Variants in GRM4 observed in about 807,000 individuals in gnomAD.
The protein encoded by GRM4 is metabotropic glutamate receptor 4.
A neutral mutation model predicts 81.7 loss-of-function variants in GRM4; 28 were observed. The ratio of observed to expected loss-of-function variants is 0.34; its 90% CI spans 0.25 to 0.47. GRM4 has a LOEUF of 0.47. Among genes scored for constraint, GRM4 ranks in the 20% least tolerant of loss-of-function variants. The pLI is 1.00. For synonymous variants in GRM4, 488 were observed against 528.8 expected, an observed-to-expected ratio of 0.92 and a Z score of 1.06; for missense variants, 948 against 1,290.0, an observed-to-expected ratio of 0.73 and a Z score of 4.06.
Position 34,036,294 on chromosome 6 carries a change from C to T in GRM4, c.1816G>A (p.Val606Met), listed in dbSNP as rs373035413. 6.1e-5 allele frequency: 98 copies of T among 1,614,034 alleles called. No individual in the cohort carries two copies. Among genetic ancestry groups the T allele is most frequent in the Non-Finnish European group, 7.8e-5 (92 of 1,180,022 alleles). The change falls in exon 9 of 11, where the codon GTG becomes ATG. Residue 606 changes from valine (V) to methionine (M), a missense_variant. Transcript: ENST00000538487. The surrounding 1 kb of genome is among the most constrained non-coding windows in gnomAD (Gnocchi z 9.0). ...TCGTTGTAGCGCACAAAGGTGATCA[C>T]CACGAACAACGTGGCAGCGATGCCC... is the stretch of plus-strand genomic sequence containing the variant. ...VVGIAATLFV[V>M]ITFVRYNDTP...
chr6:34,111,020 G>C lies in GRM4; in HGVS notation c.520-18921C>G. ...CCCATGGGCACCCTCAGGCTGCCAA[G>C]GCTTGGGGGCAGCTCCAGACAATCC... On this transcript the variant is annotated intron_variant, in intron 2 of 10. Coordinates refer to ENST00000538487, the MANE Select transcript of GRM4 (RefSeq NM_000841.4). The surrounding 1 kb of genome is among the most constrained non-coding windows in gnomAD (Gnocchi z 5.1). 3.3e-6 allele frequency: 1 copy of C among 299,250 alleles called. No individual in the cohort carries two copies. The highest frequency in any genetic ancestry group is 8.5e-5 in the South Asian group (1 of 11,762). 18.5% of individuals were successfully genotyped at this position (299,250 alleles called of 1,614,324 possible).
chr6:34,040,898 T>C (rs1021079803), intron 6 of GRM4, 150 bp from the exon 7 acceptor site: 1 of 661,968 alleles, frequency 1.5e-6, no homozygotes, highest in African/African-American at 1.8e-5. Flanking sequence ...CCCAGTGCTC[T>C]ATCACCCAGG....
chr6:34,022,995 C>A lies in GRM4; in HGVS notation c.2690-125G>T. On this transcript the variant is annotated intron_variant, in intron 10 of 10. Transcript: ENST00000538487. The surrounding 1 kb of genome is among the most constrained non-coding windows in gnomAD (Gnocchi z 5.6). ...TCCCCGCCTCTCATGGCATCCAGTCCTGAGCTGAGCAATCGACACTGCCCC... is the reference window on the plus strand; with the variant it reads ...TCCCCGCCTCTCATGGCATCCAGTCATGAGCTGAGCAATCGACACTGCCCC... 1.3e-6 allele frequency: 1 copy of A among 779,288 alleles called. No homozygotes were observed. Among genetic ancestry groups the A allele is most frequent in the East Asian group, 2.6e-5 (1 of 38,984 alleles). The allele number at this position is 779,288 out of a possible 1,614,324, so 48.3% of individuals were successfully genotyped here. A position where few individuals can be genotyped will look rare whatever the true frequency, so the allele number is the denominator to read the frequency against.
intron 3 of GRM4, among the ~76,000 whole-genome samples, chr6:34,067,606 CTTCATGCCTTCCT>C (rs1766552976): frequency 1.7e-5 from 2 of 115,850 alleles, no homozygotes; most frequent in Admixed American, 9.0e-5. Context: ...TTCTTCCTCC[CTTCATGCCTTCCT>C]CCCTCCCTTC....
Position 34,133,425 on chromosome 6 carries a change from G to A in GRM4, c.72C>T (p.Gly24=), listed in dbSNP as rs1341240780. The change falls in exon 2 of 11, where the codon GGC becomes GGT. Residue 24 remains glycine (G), a synonymous_variant. Transcript: ENST00000538487. The surrounding 1 kb of genome is among the most constrained non-coding windows in gnomAD (Gnocchi z 6.5). ...LPLCLLLSLY[G]PWMPSSLGKP... ...TTCCCAGGGAGGAAGGCATCCAGGG[G>A]CCGTAAAGGCTGAGGAGCAGGCAAA... 7 of 1,612,440 alleles carry A rather than the reference G, an allele frequency of 4.3e-6. No individual in the cohort carries two copies. The highest frequency in any genetic ancestry group is 1.7e-5 in the Admixed American group (1 of 59,946).
chr6:34,072,598 C>CCACA (rs200974018), intron 3 of GRM4, among the ~76,000 whole-genome samples: 2 of 145,018 alleles, frequency 1.4e-5, no homozygotes, highest in Non-Finnish European at 3.0e-5. Context: ...CAGATACAGA[C>CCACA]CACACACACA....
At chr6:34,050,508 C>T (rs547896212) in intron 6 of GRM4, among the ~76,000 whole-genome samples, 5 of 152,320 alleles carry the variant, frequency 3.3e-5, no homozygotes, top group Admixed American at 1.3e-4. Flanking sequence ...CCCACCATGA[C>T]GGGAAGCCTC....
intron 5 of GRM4, 92 bp from the exon 6 acceptor site, chr6:34,056,776 G>C: frequency 7.1e-7 from 1 of 1,400,010 alleles, no homozygotes. Context: ...AGATGGTCCA[G>C]GCGGAGGGAG....
In GRM4 at chr6:34,088,859, T is replaced by C. The variant is rs566323164; in HGVS notation, c.736+3024A>G. On this transcript the variant is annotated intron_variant, in intron 3 of 10. Transcript: ENST00000538487. ...AAGGGCCACAGGATTGCCCAGAGCA[T>C]GTGTAGACAAGGGTGGGAGTGGGGA... Among the ~76,000 whole-genome samples, 20 of 152,298 alleles carry C rather than the reference T, an allele frequency of 1.3e-4. No homozygotes were observed. In the East Asian group the frequency reaches 3.9e-3, roughly 29 times the overall value.
At position 34,069,314 on chromosome 6, in the gene GRM4, G is replaced by A. The variant is rs148502997; in HGVS notation, c.737-7286C>T. 4.5e-4 allele frequency among the ~76,000 whole-genome samples: 68 copies of A among 152,302 alleles called. No homozygotes were observed. The highest frequency in any genetic ancestry group is 1.4e-3 in the African/African-American group (58 of 41,578). ...CTGCTCAGAGGGCTTGGTGACTGGT[G>A]ACTGCTACTTTTATTTTCAGCTGGG... On this transcript the variant is annotated intron_variant, in intron 3 of 10. Coordinates refer to ENST00000538487, the MANE Select transcript of GRM4 (RefSeq NM_000841.4). This position sits in a 1 kb window ranked among gnomAD's most constrained non-coding sequence, Gnocchi z 6.4.
At chr6:34,076,836 G>T (rs1767337192) in intron 3 of GRM4, among the ~76,000 whole-genome samples, 2 of 152,260 alleles carry the variant, frequency 1.3e-5, no homozygotes, top group Middle Eastern at 3.4e-3. Flanking sequence ...TTGGGAAAAG[G>T]CTTGGAGCCT....
intron 5 of GRM4, among the ~76,000 whole-genome samples, chr6:34,057,563 C>A (rs73747256): frequency 0.04 from 6,120 of 152,312 alleles, 220 homozygotes; most frequent in African/African-American, 0.1. Flanking sequence ...AGTACCCCGA[C>A]CTCTACCCAC....
intron 6 of GRM4, among the ~76,000 whole-genome samples, chr6:34,045,602 C>A (rs918186995): frequency 1.3e-5 from 2 of 152,238 alleles, no homozygotes; most frequent in Non-Finnish European, 2.9e-5. Context: ...GCCTCCTTCC[C>A]CACTGTCCTG....
At chr6:34,154,093 C>T (rs1771099393) in intron 1 of GRM4, among the ~76,000 whole-genome samples, 1 of 152,208 alleles carries the variant, frequency 6.6e-6, no homozygotes, top group African/African-American at 2.4e-5. Flanking sequence ...TAGGCTCTTT[C>T]CACAGCCACA....
At chr6:34,102,000 G>C in intron 2 of GRM4, 1 of 1,535,118 alleles carries the variant, frequency 6.5e-7, no homozygotes, top group East Asian at 2.4e-5. Flanking sequence ...GCCAGGTCAG[G>C]GCCTCTCACC....
At chr6:34,050,358 G>A (rs941975856) in intron 6 of GRM4, among the ~76,000 whole-genome samples, 1 of 152,216 alleles carries the variant, frequency 6.6e-6, no homozygotes, top group Non-Finnish European at 1.5e-5. Context: ...CTGGTGGGAT[G>A]TGTTTGAATC....
chr6:34,050,843 G>T (rs1026650672), intron 6 of GRM4, among the ~76,000 whole-genome samples: 1 of 152,188 alleles, frequency 6.6e-6, no homozygotes, highest in Admixed American at 6.5e-5. Context: ...AAGGCCACTC[G>T]CAGGACGGCT....
intron 2 of GRM4, among the ~76,000 whole-genome samples, chr6:34,123,850 C>G (rs1265696894): frequency 6.6e-6 from 1 of 152,216 alleles, no homozygotes; most frequent in Admixed American, 6.5e-5. Context: ...GGATCCCCAT[C>G]TGGCTGGCCC....
rs922716660 is a variant in GRM4 at position 34,090,542 on chromosome 6, G to A, written c.736+1341C>T. On this transcript the variant is annotated intron_variant, in intron 3 of 10. Coordinates refer to ENST00000538487, the MANE Select transcript of GRM4 (RefSeq NM_000841.4). The surrounding 1 kb of genome is among the most constrained non-coding windows in gnomAD (Gnocchi z 5.2). ...TGCCAGCCCATCTGGAGCTGGGAGT[G>A]GAGTCCTGTTCACCTCTGCTTCCTT... Among the ~76,000 whole-genome samples, 3 of 152,190 alleles carry A rather than the reference G, an allele frequency of 2.0e-5. No homozygotes were observed. Among genetic ancestry groups the A allele is most frequent in the Admixed American group, 6.5e-5 (1 of 15,296 alleles).
Sources: allele counts gnomAD v4.1 joint callset (sites outside exome capture counted in the v4.1 genomes callset), GRCh38; gene constraint gnomAD v4.1.1; non-coding constraint Gnocchi (gnomAD v3.1); transcripts MANE v1.5; gene names NCBI Gene and HGNC (gene_info 2026-07-23, HGNC 2026-07-21).